Variants in ATXN10 observed in about 807,000 individuals in gnomAD.
ATXN10 encodes ataxin 10.
Under a neutral mutation model 52.9 loss-of-function variants are expected in ATXN10, and 28 were observed. That is an observed-to-expected ratio of 0.53 (90% CI 0.39 to 0.73). The LOEUF is 0.73. ATXN10 is among the 30% of genes least tolerant of loss of function. The pLI is 0.00. For synonymous variants in ATXN10, 226 were observed against 221.5 expected, an observed-to-expected ratio of 1.02 and a Z score of -0.18; for missense variants, 565 against 577.0, an observed-to-expected ratio of 0.98 and a Z score of 0.21.
rs991239761 is a variant in ATXN10 at position 45,787,010 on chromosome 22, A to G, written c.1174-19949A>G. Among the ~76,000 whole-genome samples the G allele has an allele frequency of 2.6e-5, 4 of 152,208 alleles. No homozygotes were observed. Among genetic ancestry groups the G allele is most frequent in the African/African-American group, 9.6e-5 (4 of 41,462 alleles). Reference sequence around the variant, plus strand: ...TGGTGAAAATTTAGTCATGATGCAAATGTCCTGAAATGTTCAGTAAATTAT... The same window carrying G: ...TGGTGAAAATTTAGTCATGATGCAAGTGTCCTGAAATGTTCAGTAAATTAT... On this transcript the variant is annotated intron_variant, in intron 9 of 11. Transcript: ENST00000252934. The surrounding 1 kb of genome is among the most constrained non-coding windows in gnomAD (Gnocchi z 4.2).
At chr22:45,720,375 G>A (rs1317354686) in intron 6 of ATXN10, among the ~76,000 whole-genome samples, 3 of 149,910 alleles carry the variant, frequency 2.0e-5, no homozygotes, top group Non-Finnish European at 4.4e-5. Flanking sequence ...GCCCAACCTA[G>A]AGTGCAGTGG....
At chr22:45,822,143 T>G (rs1928669793) in intron 10 of ATXN10, among the ~76,000 whole-genome samples, 1 of 152,208 alleles carries the variant, frequency 6.6e-6, no homozygotes, top group Non-Finnish European at 1.5e-5. Flanking sequence ...TCACCAAAAT[T>G]GTGTTTGGTC....
chr22:45,768,293 G>C (rs987604305), intron 9 of ATXN10, among the ~76,000 whole-genome samples: 4 of 151,906 alleles, frequency 2.6e-5, no homozygotes, highest in Admixed American at 2.6e-4. Context: ...AGATGTACAA[G>C]AAAGTTGCCA....
At chr22:45,767,681 G>GAAAA (rs1025013028) in intron 9 of ATXN10, among the ~76,000 whole-genome samples, 1 of 151,088 alleles carries the variant, frequency 6.6e-6, no homozygotes, top group African/African-American at 2.4e-5. Flanking sequence ...TTGAAAGAAA[G>GAAAA]AAAAAAAAGG....
At chr22:45,758,590 A>G (rs1926260590) in intron 9 of ATXN10, among the ~76,000 whole-genome samples, 1 of 152,186 alleles carries the variant, frequency 6.6e-6, no homozygotes, top group Admixed American at 6.5e-5. Context: ...GGTTAGTGCA[A>G]TGTTTCATGC....
At chr22:45,689,978 A>T in intron 2 of ATXN10, 75 bp downstream of exon 2, 1 of 1,539,294 alleles carries the variant, frequency 6.5e-7, no homozygotes, top group East Asian at 2.3e-5. Flanking sequence ...TTTATCTGTT[A>T]GAAGTTGTTT....
rs1927139042 is a variant in ATXN10, at chr22:45,781,238, G to T, written c.1174-25721G>T. On this transcript the variant is annotated intron_variant, in intron 9 of 11. Coordinates refer to ENST00000252934, the MANE Select transcript of ATXN10 (RefSeq NM_013236.4). This position sits in a 1 kb window ranked among gnomAD's most constrained non-coding sequence, Gnocchi z 4.2. ...AGGCACCCCTCACCCCTGCTAGGTGGTGTCAGAGAAGATGGAGCTGGGAGC... is the reference window on the plus strand; with the variant it reads ...AGGCACCCCTCACCCCTGCTAGGTGTTGTCAGAGAAGATGGAGCTGGGAGC... 6.6e-6 allele frequency among the ~76,000 whole-genome samples: 1 copy of T among 152,118 alleles called. No homozygotes were observed. Among genetic ancestry groups the T allele is most frequent in the Non-Finnish European group, 1.5e-5 (1 of 68,022 alleles).
rs1280586023 is a variant in ATXN10 at position 45,744,935 on chromosome 22, G to C, written c.1173+4397G>C. 1.3e-5 allele frequency: 2 copies of C among 152,152 alleles called. No homozygotes were observed. Among genetic ancestry groups the C allele is most frequent in the African/African-American group, 4.8e-5 (2 of 41,450 alleles). 9.4% of individuals were successfully genotyped at this position (152,152 alleles called of 1,614,324 possible). On this transcript the variant is annotated intron_variant, in intron 9 of 11. Coordinates refer to ENST00000252934, the MANE Select transcript of ATXN10 (RefSeq NM_013236.4). This position sits in a 1 kb window ranked among gnomAD's most constrained non-coding sequence, Gnocchi z 4.9. ...ATGTAGTGTTTCCTGAATTGTAAAG[G>C]AATTGCTAGACTTCCCTTTACCTCG...
chr22:45,832,139 C>T (rs1158716081), intron 10 of ATXN10, among the ~76,000 whole-genome samples: 1 of 152,220 alleles, frequency 6.6e-6, no homozygotes, highest in African/African-American at 2.4e-5. Context: ...CACGCAGCTG[C>T]CCACAAGAGC....
chr22:45,795,393 C>G lies in ATXN10; in HGVS notation c.1174-11566C>G, dbSNP rs1927685284. Among the ~76,000 whole-genome samples the G allele has an allele frequency of 6.7e-6, 1 of 149,454 alleles. No individual in the cohort carries two copies. The highest frequency in any genetic ancestry group is 1.5e-5 in the Non-Finnish European group (1 of 67,702). On this transcript the variant is annotated intron_variant, in intron 9 of 11. Coordinates refer to ENST00000252934, the MANE Select transcript of ATXN10 (RefSeq NM_013236.4). The surrounding 1 kb of genome is among the most constrained non-coding windows in gnomAD (Gnocchi z 4.6). ...CTATTCTATTCTATTCTATTCTATT[C>G]TATTCTATTCTATTCTATTCTATTC...
Position 45,772,115 on chromosome 22 carries a change from A to G in ATXN10, c.1173+31577A>G, listed in dbSNP as rs543594019. Among the ~76,000 whole-genome samples, 1 of 152,316 alleles carries G rather than the reference A, an allele frequency of 6.6e-6. No individual in the cohort carries two copies. The highest frequency in any genetic ancestry group is 2.1e-4 in the South Asian group (1 of 4,824). On this transcript the variant is annotated intron_variant, in intron 9 of 11. Transcript: ENST00000252934. This position sits in a 1 kb window ranked among gnomAD's most constrained non-coding sequence, Gnocchi z 4.1. ...TATCAATTTTTTTCTTTTATGAATCATACTTTTTGTGTCATTTCAAGAACT... is the reference window on the plus strand; with the variant it reads ...TATCAATTTTTTTCTTTTATGAATCGTACTTTTTGTGTCATTTCAAGAACT...
rs1331573746 is a variant in ATXN10, at chr22:45,787,416, C to T, written c.1174-19543C>T. ...ATCTGCCTCCTGGCCCCTTTTCCCT[C>T]AAGGCACTAGGGAGACAGGAGGGCC... On this transcript the variant is annotated intron_variant, in intron 9 of 11. Transcript: ENST00000252934. This position sits in a 1 kb window ranked among gnomAD's most constrained non-coding sequence, Gnocchi z 4.2. 6.6e-6 allele frequency among the ~76,000 whole-genome samples: 1 copy of T among 152,192 alleles called. No individual in the cohort carries two copies. The highest frequency in any genetic ancestry group is 1.5e-5 in the Non-Finnish European group (1 of 68,026).
At chr22:45,685,408 A>G (rs1923097375) in intron 1 of ATXN10, among the ~76,000 whole-genome samples, 1 of 152,194 alleles carries the variant, frequency 6.6e-6, no homozygotes, top group Non-Finnish European at 1.5e-5. Flanking sequence ...TTGTCCTTGT[A>G]AGTACTTTCC....
Position 45,813,729 on chromosome 22 carries a change from G to A in ATXN10, c.1237+6707G>A, listed in dbSNP as rs1046541235. The stretch of plus-strand genomic sequence containing the variant: ...GGACCTACCCCAACAGGGTTATAGT[G>A]AGTGTGAAATGTTATCATGCCTATA... On this transcript the variant is annotated intron_variant, in intron 10 of 11. Coordinates refer to ENST00000252934, the MANE Select transcript of ATXN10 (RefSeq NM_013236.4). 4.6e-5 allele frequency among the ~76,000 whole-genome samples: 7 copies of A among 152,130 alleles called. No individual in the cohort carries two copies. In the South Asian group the frequency reaches 6.2e-4, roughly 13 times the overall value.
intron 10 of ATXN10, among the ~76,000 whole-genome samples, chr22:45,839,935 A>T (rs1167790875): frequency 1.3e-5 from 2 of 152,222 alleles, no homozygotes; most frequent in Non-Finnish European, 2.9e-5. Flanking sequence ...GTGGTGAATG[A>T]GAGATAGCAT....
chr22:45,790,374 G>GC lies in ATXN10; in HGVS notation c.1174-16578dup, dbSNP rs779425377. 2.8e-4 allele frequency among the ~76,000 whole-genome samples: 42 copies of GC among 151,832 alleles called. No individual in the cohort carries two copies. The highest frequency in any genetic ancestry group is 4.2e-4 in the South Asian group (2 of 4,780). On this transcript the variant is annotated intron_variant, in intron 9 of 11. Coordinates refer to ENST00000252934, the MANE Select transcript of ATXN10 (RefSeq NM_013236.4). The surrounding 1 kb of genome is among the most constrained non-coding windows in gnomAD (Gnocchi z 4.7). ...CAGGACACGAGATTATCAAAACATT[G>GC]CCCCCCCGCCGCCCCACACATACAC... is the stretch of plus-strand genomic sequence containing the variant.
intron 9 of ATXN10, among the ~76,000 whole-genome samples, chr22:45,745,686 C>A (rs1925700591): frequency 6.6e-6 from 1 of 152,168 alleles, no homozygotes; most frequent in Non-Finnish European, 1.5e-5. Flanking sequence ...CTTTGTGTTG[C>A]TCATCATGTT....
At chr22:45,738,879 T>A in intron 8 of ATXN10, 40 bp downstream of exon 8, 1 of 1,530,172 alleles carries the variant, frequency 6.5e-7, no homozygotes, top group South Asian at 1.1e-5. Context: ...AGCTAAGAAA[T>A]CTTTGGCTTG....
rs73441155 is a variant in ATXN10 at position 45,699,840 on chromosome 22, C to T, written c.392-442C>T. Among the ~76,000 whole-genome samples the T allele has an allele frequency of 8.8e-3, 1,318 of 149,856 alleles. 13 individuals are homozygous for T. The highest frequency in any genetic ancestry group is 0.03 in the African/African-American group (1,228 of 40,276). ...TGTAGAGTATATTGTTTTGGTAAGG[C>T]ATATTAATTTTTTTTTTTTTTTTTG... On this transcript the variant is annotated intron_variant, in intron 3 of 11. Transcript: ENST00000252934.
Sources: gnomAD v4.1 joint callset for allele counts (sites outside exome capture counted in the v4.1 genomes callset) on GRCh38, gnomAD v4.1.1 for gene constraint, Gnocchi (gnomAD v3.1) non-coding constraint, MANE v1.5 for transcripts, NCBI Gene and HGNC (gene_info 2026-07-23, HGNC 2026-07-21) for gene names.